The following NKX3-2 variants were observed in gnomAD, a reference collection of about 807,000 sequenced individuals.
The protein encoded by NKX3-2 is NK3 homeobox 2.
Under a neutral mutation model 19.4 loss-of-function variants are expected in NKX3-2, and 13 were observed. The ratio of observed to expected loss-of-function variants is 0.67; its 90% CI spans 0.44 to 1.07. The LOEUF (loss-of-function observed/expected upper bound fraction) is 1.07, where lower values mean the gene tolerates loss of function less well. Ranked by LOEUF, NKX3-2 falls within the 50% of genes least tolerant of loss-of-function variation. NKX3-2 has a pLI of 0.00. For synonymous variants in NKX3-2, 269 were observed against 230.5 expected, an observed-to-expected ratio of 1.17 and a Z score of -1.51; for missense variants, 562 against 488.2, an observed-to-expected ratio of 1.15 and a Z score of -1.42.
chr4:13,544,711 C>A (rs1718085579), upstream of NKX3-2: 3 of 209,446 alleles, frequency 1.4e-5, no homozygotes, highest in African/African-American at 4.6e-5. Context: ...CCCTTAGGGG[C>A]GGGCTGGGGT....
upstream of NKX3-2, chr4:13,547,304 C>A (rs1718155677): frequency 2.2e-6 from 1 of 450,270 alleles, no homozygotes; most frequent in Non-Finnish European, 4.5e-6. Context: ...GCCTGGGTCC[C>A]GCTTCCTGCC....
upstream of NKX3-2, among the ~76,000 whole-genome samples, chr4:13,545,561 T>G (rs1044521808): frequency 3.7e-5 from 5 of 136,106 alleles, no homozygotes; most frequent in African/African-American, 1.4e-4. Flanking sequence ...CCTCGTCGTC[T>G]TTGATTTGAT....
In NKX3-2 at chr4:13,542,304, G is replaced by A. The variant is rs1452774111; in HGVS notation, c.691C>T (p.Leu231=). 1.9e-6 allele frequency: 3 copies of A among 1,603,446 alleles called. No individual in the cohort carries two copies. The highest frequency in any genetic ancestry group is 2.6e-6 in the Non-Finnish European group (3 of 1,176,274). ...AGGTCTGCGCGCTCGGGCCCGGACA[G>A]GTAGCGCTGGTGGTTAAAGCGGCGC... The part of the protein sequence containing the change: ...LERRFNHQRY[L]SGPERADLAA... Residue 231 remains leucine, a synonymous_variant, in exon 2 of 2, where the codon CTG becomes TTG. Transcript: ENST00000382438. This position sits in a 1 kb window ranked among gnomAD's most constrained non-coding sequence, Gnocchi z 6.4.
chr4:13,542,677 C>T lies in NKX3-2; in HGVS notation c.467-149G>A, dbSNP rs944070404. ...GCGGAGGTCTGGGAGGCCCTGGGCC[C>T]GGGAGACCAGTCTTAGACTCTTGCC... On this transcript the variant is annotated intron_variant, in intron 1 of 1. Transcript: ENST00000382438. This position sits in a 1 kb window ranked among gnomAD's most constrained non-coding sequence, Gnocchi z 6.4. 8 of 1,045,918 alleles carry T rather than the reference C, an allele frequency of 7.6e-6. No individual in the cohort carries two copies. The highest frequency in any genetic ancestry group is 5.7e-6 in the Non-Finnish European group (4 of 701,224). The allele number at this position is 1,045,918 out of a possible 1,614,324, so 64.8% of individuals were successfully genotyped here. A position where few individuals can be genotyped will look rare whatever the true frequency, so the allele number is the denominator to read the frequency against.
Position 13,543,628 on chromosome 4 carries a change from C to A in NKX3-2, c.466+321G>T, listed in dbSNP as rs1041249802. On this transcript the variant is annotated intron_variant, in intron 1 of 1. Transcript: ENST00000382438. The surrounding 1 kb of genome is among the most constrained non-coding windows in gnomAD (Gnocchi z 7.1). ...GATTTTGGGGATTTGGGGACAGACA[C>A]GGCAGAAAGCACTGGCGACGAACTC... Among the ~76,000 whole-genome samples the A allele has an allele frequency of 6.6e-6, 1 of 152,186 alleles. No homozygotes were observed. Among genetic ancestry groups the A allele is most frequent in the African/African-American group, 2.4e-5 (1 of 41,434 alleles).
At position 13,544,190 on chromosome 4, in the gene NKX3-2, G is replaced by T. The variant is rs1247188547; in HGVS notation, c.225C>A (p.Ala75=). 6 of 1,602,426 alleles carry T rather than the reference G, an allele frequency of 3.7e-6. No homozygotes were observed. Among genetic ancestry groups the T allele is most frequent in the Non-Finnish European group, 5.1e-6 (6 of 1,178,862 alleles). The change falls in exon 1 of 2, where the codon GCC becomes GCA. Residue 75 remains alanine, a synonymous_variant. Transcript: ENST00000382438. ...TCCGCCCCGCAGCTGTTCTGGTACC[G>T]GCAGGAGACGCCAGCAGAGAGTCCT... ...GAEDSLLASP[A]GTRTAAGRTA...
Position 13,541,843 on chromosome 4 carries a change from G to A in NKX3-2, c.*150C>T, listed in dbSNP as rs1240349477. ...GGGCAGACTCAGCCCAGCTGCCAGG[G>A]GACAAGTCCTGGCTAACGGGAGCTG... On this transcript the variant is annotated 3_prime_UTR_variant, in exon 2 of 2. Coordinates refer to ENST00000382438, the MANE Select transcript of NKX3-2 (RefSeq NM_001189.4). The A allele has an allele frequency of 1.6e-6, 2 of 1,247,060 alleles. No individual in the cohort carries two copies. The highest frequency in any genetic ancestry group is 2.2e-6 in the Non-Finnish European group (2 of 905,048). 77.2% of individuals were successfully genotyped at this position (1,247,060 alleles called of 1,614,324 possible).
At chr4:13,544,765 C>T, upstream of NKX3-2, 1 of 170,044 alleles carries the variant, frequency 5.9e-6, no homozygotes, top group Non-Finnish European at 1.2e-5. Flanking sequence ...GGGGGCCCCT[C>T]CGTGGCAGCA....
In NKX3-2 at chr4:13,541,873, T is replaced by G. The variant is rs1717992949; in HGVS notation, c.*120A>C. Reference sequence around the variant, plus strand: ...AGTCCTGGCTAACGGGAGCTGGAGCTGGGTTTCACCTCCAGGTGCCTCCTT... The same window carrying G: ...AGTCCTGGCTAACGGGAGCTGGAGCGGGGTTTCACCTCCAGGTGCCTCCTT... On this transcript the variant is annotated 3_prime_UTR_variant, in exon 2 of 2. Coordinates refer to ENST00000382438, the MANE Select transcript of NKX3-2 (RefSeq NM_001189.4). 1.4e-6 allele frequency: 2 copies of G among 1,438,054 alleles called. No homozygotes were observed. Among genetic ancestry groups the G allele is most frequent in the East Asian group, 5.0e-5 (2 of 39,702 alleles). 89.1% of individuals were successfully genotyped at this position (1,438,054 alleles called of 1,614,324 possible).
rs1718022696 is a variant in NKX3-2 at position 13,542,791 on chromosome 4, C to A, written c.467-263G>T. Among the ~76,000 whole-genome samples, 1 of 152,102 alleles carries A rather than the reference C, an allele frequency of 6.6e-6. No homozygotes were observed. The highest frequency in any genetic ancestry group is 1.5e-5 in the Non-Finnish European group (1 of 68,022). ...CTGTGTTGTCGAGACCAGCTCCCCA[C>A]CCTCTCTGGGCCCCAGGCTCCCCTC... On this transcript the variant is annotated intron_variant, in intron 1 of 1. Coordinates refer to ENST00000382438, the MANE Select transcript of NKX3-2 (RefSeq NM_001189.4). This position sits in a 1 kb window ranked among gnomAD's most constrained non-coding sequence, Gnocchi z 6.4.
upstream of NKX3-2, chr4:13,547,302 C>T (rs1363331701): frequency 2.2e-6 from 1 of 451,316 alleles, no homozygotes; most frequent in Admixed American, 2.4e-5. Flanking sequence ...GTGCCTGGGT[C>T]CCGCTTCCTG....
rs566697540 is a variant in NKX3-2 at position 13,542,828 on chromosome 4, G to A, written c.467-300C>T. On this transcript the variant is annotated intron_variant, in intron 1 of 1. Transcript: ENST00000382438. This position sits in a 1 kb window ranked among gnomAD's most constrained non-coding sequence, Gnocchi z 6.4. The stretch of plus-strand genomic sequence containing the variant: ...CCCAGGCTCCCCTCAGTAACTTGGG[G>A]CACTCGACCCGAGCATCCGCGAAAG... Among the ~76,000 whole-genome samples, 2 of 151,990 alleles carry A rather than the reference G, an allele frequency of 1.3e-5. No homozygotes were observed. The highest frequency in any genetic ancestry group is 2.4e-5 in the African/African-American group (1 of 41,396).
rs1436354168 is a variant in NKX3-2 at position 13,543,511 on chromosome 4, C to T, written c.466+438G>A. Among the ~76,000 whole-genome samples the T allele has an allele frequency of 6.6e-6, 1 of 152,166 alleles. No homozygotes were observed. The highest frequency in any genetic ancestry group is 1.5e-5 in the Non-Finnish European group (1 of 68,024). On this transcript the variant is annotated intron_variant, in intron 1 of 1. Coordinates refer to ENST00000382438, the MANE Select transcript of NKX3-2 (RefSeq NM_001189.4). This position sits in a 1 kb window ranked among gnomAD's most constrained non-coding sequence, Gnocchi z 7.1. ...CCACCTATCCACCTACTGTGGGGCC[C>T]GGCCCTGGGACCTTGAACTGGCAGG... is the stretch of plus-strand genomic sequence containing the variant.
upstream of NKX3-2, chr4:13,546,909 G>A (rs1350650318): frequency 4.4e-6 from 2 of 456,166 alleles, no homozygotes. Flanking sequence ...TTGAGTTGTC[G>A]GGTATTTTTG....
At position 13,544,314 on chromosome 4, in the gene NKX3-2, G is replaced by A. The variant is rs1340065210; in HGVS notation, c.101C>T (p.Pro34Leu). ...RGGLAAPEGR[P>L]APGGTAASVA... ...CGATGCCGCTGTGCCCCCGGGCGCC[G>A]GGCGCCCCTCTGGCGCGGCCAGCCC... is the stretch of plus-strand genomic sequence containing the variant. Residue 34 changes from proline to leucine, a missense_variant, in exon 1 of 2, where the codon CCG (proline) becomes CTG (leucine). By Grantham distance (98) the Pro-to-Leu change is moderately conservative. Transcript: ENST00000382438. 3.3e-6 allele frequency: 5 copies of A among 1,530,132 alleles called. No homozygotes were observed. Among genetic ancestry groups the A allele is most frequent in the African/African-American group, 2.8e-5 (2 of 70,608 alleles). The allele number at this position is 1,530,132 out of a possible 1,614,324, so 94.8% of individuals were successfully genotyped here.
upstream of NKX3-2, chr4:13,544,597 GC>G: frequency 2.9e-6 from 1 of 342,388 alleles, no homozygotes; most frequent in Middle Eastern, 8.1e-4. Context: ...GCCGACCCTC[GC>G]CCCCACCTTA....
At position 13,543,956 on chromosome 4, in the gene NKX3-2, G is replaced by A. The variant is rs1274444613; in HGVS notation, c.459C>T (p.Ser153=). ...AGRSDSEMSA[S]VSGDRSPRTE... is the part of the protein sequence containing the mutation. ...CGCGAAGCCGCAGCAGACCTGAGAC[G>A]CTGGCGGACATCTCGCTGTCGCTCC... The change falls in exon 1 of 2, where the codon AGC becomes AGT. Residue 153 remains serine, a synonymous_variant. Coordinates refer to ENST00000382438, the MANE Select transcript of NKX3-2 (RefSeq NM_001189.4). The surrounding 1 kb of genome is among the most constrained non-coding windows in gnomAD (Gnocchi z 7.1). The A allele has an allele frequency of 2.6e-6, 4 of 1,546,104 alleles. No homozygotes were observed. Among genetic ancestry groups the A allele is most frequent in the Admixed American group, 3.8e-5 (2 of 52,116 alleles).
Position 13,541,778 on chromosome 4 carries a change from T to C in NKX3-2, c.*215A>G, listed in dbSNP as rs981007346. On this transcript the variant is annotated 3_prime_UTR_variant, in exon 2 of 2. Transcript: ENST00000382438. ...GTGGGCGATCAGGGCCCCTAGGCCA[T>C]AGGGTGCCTCTGTTCAAATTAGAAA... 7.8e-5 allele frequency: 48 copies of C among 614,944 alleles called. 1 individual carries two copies. The Admixed American group carries it at 1.3e-3, about 17-fold the overall frequency. 38.1% of individuals were successfully genotyped at this position (614,944 alleles called of 1,614,324 possible).
At position 13,542,007 on chromosome 4, in the gene NKX3-2, C is replaced by A. The variant is rs752935179; in HGVS notation, c.988G>T (p.Ala330Ser). 1 of 1,588,630 alleles carries A rather than the reference C, an allele frequency of 6.3e-7. No homozygotes were observed. Among genetic ancestry groups the A allele is most frequent in the Admixed American group, 1.8e-5 (1 of 56,498 alleles). ...GWALSTCAAA[A>S]GTQ ...CCCAAGCGGGTTCACTGGGTGCCTG[C>A]GGCAGCTGCGCAGGTGGAGAGCGCC... Residue 330 changes from alanine to serine, a missense_variant, in exon 2 of 2, where the codon GCA (alanine) becomes TCA (serine). Coordinates refer to ENST00000382438, the MANE Select transcript of NKX3-2 (RefSeq NM_001189.4). The surrounding 1 kb of genome is among the most constrained non-coding windows in gnomAD (Gnocchi z 6.4).
Sources: gnomAD v4.1 joint callset for allele counts (sites outside exome capture counted in the v4.1 genomes callset) on GRCh38, gnomAD v4.1.1 for gene constraint, Gnocchi (gnomAD v3.1) non-coding constraint, MANE v1.5 for transcripts, NCBI Gene and HGNC (gene_info 2026-07-23, HGNC 2026-07-21) for gene names.